Variants in PIGK observed in about 807,000 individuals in gnomAD.
PIGK encodes GPI-anchor transamidase.
A neutral mutation model predicts 50.6 loss-of-function variants in PIGK; 42 were observed. The observed-to-expected ratio is 0.83, with a 90% CI of 0.65 to 1.07. PIGK has a LOEUF of 1.07. PIGK is among the 50% of genes least tolerant of loss of function. The probability of loss-of-function intolerance (pLI) is 0.00; values close to 1 mark genes in which losing one functional copy is unlikely to be tolerated. For synonymous variants in PIGK, 151 were observed against 156.0 expected (o/e 0.97, Z 0.24); for missense variants, 448 against 488.7 (o/e 0.92, Z 0.78).
chr1:77,186,683 T>G (rs929490852), intron 3 of PIGK, among the ~76,000 whole-genome samples: 1 of 152,180 alleles, frequency 6.6e-6, no homozygotes, highest in Non-Finnish European at 1.5e-5. Context: ...CAGTCACCCC[T>G]GTCATCACCC....
intron 9 of PIGK, among the ~76,000 whole-genome samples, chr1:77,128,785 C>A (rs1654287453): frequency 6.6e-6 from 1 of 152,146 alleles, no homozygotes; most frequent in African/African-American, 2.4e-5. Context: ...AGAATATCTA[C>A]AAATCATTTC....
intron 9 of PIGK, among the ~76,000 whole-genome samples, chr1:77,126,191 C>CT (rs1254804225): frequency 6.6e-6 from 1 of 151,984 alleles, no homozygotes; most frequent in Non-Finnish European, 1.5e-5. Flanking sequence ...TGTAATTTTT[C>CT]TTTGATTTCT....
intron 10 of PIGK, among the ~76,000 whole-genome samples, chr1:77,115,440 T>TA (rs1653939246): frequency 7.1e-6 from 1 of 140,684 alleles, no homozygotes; most frequent in Non-Finnish European, 1.6e-5. Flanking sequence ...GGTGAGGGCA[T>TA]TTTTTTTTTT....
intron 10 of PIGK, among the ~76,000 whole-genome samples, chr1:77,096,216 T>G (rs527627431): frequency 2.6e-5 from 4 of 152,236 alleles, no homozygotes; most frequent in African/African-American, 9.6e-5. Context: ...AAAATCCACA[T>G]TTACAAGGAA....
intron 2 of PIGK, among the ~76,000 whole-genome samples, chr1:77,208,346 G>A (rs1656338958): frequency 1.3e-5 from 2 of 152,120 alleles, no homozygotes; most frequent in Non-Finnish European, 2.9e-5. Context: ...GCTCAGTAAT[G>A]TTTCTTTTTC....
chr1:77,136,473 G>A (rs1309119765), intron 9 of PIGK, among the ~76,000 whole-genome samples: 2 of 144,420 alleles, frequency 1.4e-5, no homozygotes, highest in African/African-American at 5.2e-5. Context: ...AGCTTGCAGT[G>A]AGCCGAGATC....
At chr1:77,101,936 G>A (rs549442102) in intron 10 of PIGK, among the ~76,000 whole-genome samples, 3 of 152,246 alleles carry the variant, frequency 2.0e-5, no homozygotes, top group Admixed American at 6.5e-5. Context: ...CCCAGGAGGC[G>A]GAGGCTGCAG....
intron 8 of PIGK, among the ~76,000 whole-genome samples, chr1:77,159,223 T>C (rs925033241): frequency 1.3e-5 from 2 of 152,156 alleles, no homozygotes; most frequent in African/African-American, 4.8e-5. Context: ...AGCTTACACA[T>C]GGTGTTAAGC....
chr1:77,195,504 G>T, intron 3 of PIGK: 1 of 626,992 alleles, frequency 1.6e-6, no homozygotes, highest in Non-Finnish European at 2.6e-6. Context: ...ATGGCACACA[G>T]TTTTACGGAA....
chr1:77,211,726 T>C (rs900297069), intron 1 of PIGK, among the ~76,000 whole-genome samples: 4 of 151,914 alleles, frequency 2.6e-5, no homozygotes, highest in Admixed American at 1.3e-4. Context: ...AATTCTTTAA[T>C]ATTGGTCACA....
At chr1:77,193,549 T>C (rs1655962731) in intron 3 of PIGK, among the ~76,000 whole-genome samples, 1 of 152,204 alleles carries the variant, frequency 6.6e-6, no homozygotes, top group Non-Finnish European at 1.5e-5. Flanking sequence ...GTTGTAGTCA[T>C]CTAATGAATA....
At chr1:77,198,125 TATC>T (rs1656077706) in intron 3 of PIGK, among the ~76,000 whole-genome samples, 2 of 152,132 alleles carry the variant, frequency 1.3e-5, no homozygotes, top group East Asian at 1.9e-4. Context: ...AAATAAAAAT[TATC>T]ATGCAGACAT....
intron 1 of PIGK, among the ~76,000 whole-genome samples, chr1:77,216,216 C>T (rs1419248): frequency 0.99 from 150,636 of 152,296 alleles, 74,514 homozygotes; most frequent in Middle Eastern, 1. Context: ...CATAAATATG[C>T]ACAATTATTG....
intron 10 of PIGK, among the ~76,000 whole-genome samples, chr1:77,116,629 A>C (rs1653980026): frequency 6.6e-6 from 1 of 151,594 alleles, no homozygotes. Flanking sequence ...CTTGCTTAAT[A>C]TAAGAAGCTG....
At chr1:77,183,412 T>C (rs924396616) in intron 3 of PIGK, among the ~76,000 whole-genome samples, 1 of 152,134 alleles carries the variant, frequency 6.6e-6, no homozygotes, top group Non-Finnish European at 1.5e-5. Context: ...CCTGAGGCAG[T>C]TGTTAGGCAA....
intron 9 of PIGK, among the ~76,000 whole-genome samples, chr1:77,135,605 T>A (rs1450834978): frequency 6.6e-6 from 1 of 152,062 alleles, no homozygotes; most frequent in Non-Finnish European, 1.5e-5. Context: ...GATTAAAAAA[T>A]TATCATTATT....
intron 9 of PIGK, among the ~76,000 whole-genome samples, chr1:77,124,863 T>C (rs538147253): frequency 1.3e-5 from 2 of 152,274 alleles, no homozygotes; most frequent in African/African-American, 4.8e-5. Context: ...TCAAGGACAT[T>C]CTTAAGTGCA....
At position 77,169,332 on chromosome 1, in the gene PIGK, T is replaced by G. The variant is rs758790028; in HGVS notation, c.303A>C (p.Thr101=). 6.2e-7 allele frequency: 1 copy of G among 1,605,586 alleles called. No homozygotes were observed. The highest frequency in any genetic ancestry group is 1.3e-5 in the African/African-American group (1 of 74,862). The change falls in exon 4 of 11, where the codon ACA becomes ACC. Residue 101 remains threonine, a synonymous_variant. Transcript: ENST00000370812. ...ACNPRNPKPA[T]VFSHKNMELN... is the part of the protein sequence containing the mutation. ...GTTCCATATTCTTGTGACTAAACAC[T>G]GTAGCTGGTTTGGGATTTCTAGGAT...
intron 3 of PIGK, among the ~76,000 whole-genome samples, chr1:77,180,382 G>A (rs796173641): frequency 0.013 from 1,930 of 143,212 alleles, 40 homozygotes; most frequent in African/African-American, 0.05. Flanking sequence ...ATTCCTATTA[G>A]TTAAAAAAAA....
Sources: gnomAD v4.1 joint callset for allele counts (sites outside exome capture counted in the v4.1 genomes callset) on GRCh38, gnomAD v4.1.1 for gene constraint, MANE v1.5 for transcripts, NCBI Gene and HGNC (gene_info 2026-07-23, HGNC 2026-07-21) for gene names.